The following ANXA8 variants were observed in gnomAD, a reference collection of about 807,000 sequenced individuals.
The protein encoded by ANXA8 is VAC-beta.
Under a neutral mutation model 26.8 loss-of-function variants are expected in ANXA8, and 9 were observed. The observed-to-expected ratio is 0.34, with a 90% CI of 0.20 to 0.59. ANXA8 has a LOEUF of 0.59. ANXA8 is among the 20% of genes least tolerant of loss of function. ANXA8 has a pLI of 0.84. For synonymous variants in ANXA8, 39 were observed against 94.8 expected, an observed-to-expected ratio of 0.41 and a Z score of 3.42; for missense variants, 83 against 238.5, an observed-to-expected ratio of 0.35 and a Z score of 4.29.
At chr10:47,565,532 C>G in the ANXA8 span, 1 of 347,028 alleles carries the variant, frequency 2.9e-6, no homozygotes, top group African/African-American at 2.2e-5. Flanking sequence ...GAAAGCTGGA[C>G]AGCCAGTCGG....
chr10:47,487,708 G>T (rs1840072240), upstream of ANXA8, among the ~76,000 whole-genome samples: 1 of 147,502 alleles, frequency 6.8e-6, no homozygotes, highest in African/African-American at 2.5e-5. Flanking sequence ...TGTTATATTG[G>T]ATTATCATTT....
the ANXA8 span, chr10:47,753,068 A>G: frequency 1.4e-6 from 1 of 728,830 alleles, no homozygotes; most frequent in South Asian, 6.3e-5. Flanking sequence ...AGATCACGCC[A>G]TTGCACTCCA....
chr10:47,733,209 C>CTTTCT, the ANXA8 span, among the ~76,000 whole-genome samples: 2 of 63,976 alleles, frequency 3.1e-5, no homozygotes, highest in Non-Finnish European at 7.0e-5. Context: ...TTCTTTCTTT[C>CTTTCT]TTTCTTTCTT....
At chr10:47,941,900 A>C in the ANXA8 span, among the ~76,000 whole-genome samples, 12 of 147,914 alleles carry the variant, frequency 8.1e-5, 3 homozygotes, top group African/African-American at 3.1e-4. Flanking sequence ...ATTTCTGTAC[A>C]AAATGCCTTT....
chr10:47,756,560 C>T, the ANXA8 span, among the ~76,000 whole-genome samples: 3 of 146,818 alleles, frequency 2.0e-5, no homozygotes, highest in African/African-American at 7.5e-5. Flanking sequence ...CCCTGGGGCC[C>T]CTTAAACACC....
chr10:47,985,240 A>G, the ANXA8 span, among the ~76,000 whole-genome samples: 1 of 148,686 alleles, frequency 6.7e-6, no homozygotes. Flanking sequence ...GGGGAAATGC[A>G]AATTGAGATC....
At chr10:47,743,382 G>GTA in the ANXA8 span, among the ~76,000 whole-genome samples, 14 of 51,410 alleles carry the variant, frequency 2.7e-4, no homozygotes, top group East Asian at 8.5e-3. Flanking sequence ...ATATATATGT[G>GTA]TGTGTGTGTG....
the ANXA8 span, among the ~76,000 whole-genome samples, chr10:47,916,271 G>A: frequency 7.8e-6 from 1 of 127,996 alleles, no homozygotes; most frequent in African/African-American, 2.6e-5. Context: ...GGGAAGAACA[G>A]CAGCTCCCAG....
the ANXA8 span, among the ~76,000 whole-genome samples, chr10:47,756,597 G>A: frequency 2.0e-5 from 3 of 151,270 alleles, no homozygotes; most frequent in African/African-American, 7.3e-5. Flanking sequence ...GATTTGGTGG[G>A]TGAGGGTCAG....
At chr10:47,680,265 C>A in the ANXA8 span, among the ~76,000 whole-genome samples, 1 of 151,880 alleles carries the variant, frequency 6.6e-6, no homozygotes, top group Non-Finnish European at 1.5e-5. Context: ...TACAAAATAG[C>A]TGGAAGAGGG....
chr10:47,501,756 A>C, the ANXA8 span: 1 of 403,390 alleles, frequency 2.5e-6, no homozygotes, highest in Non-Finnish European at 4.3e-6. Context: ...CCATGTGTAC[A>C]AAAATCAATG....
the ANXA8 span, among the ~76,000 whole-genome samples, chr10:47,756,926 G>GA: frequency 7.0e-6 from 1 of 142,890 alleles, no homozygotes; most frequent in African/African-American, 2.6e-5. Flanking sequence ...AAAGAGCCAA[G>GA]ACGCTGCCTC....
chr10:47,916,574 G>A, the ANXA8 span, among the ~76,000 whole-genome samples: 2 of 131,310 alleles, frequency 1.5e-5, 1 homozygote, highest in Non-Finnish European at 3.5e-5. Context: ...TTGAGGCTCA[G>A]TTTTCTCGCC....
chr10:47,580,760 A>AAC, the ANXA8 span, among the ~76,000 whole-genome samples: 4 of 149,022 alleles, frequency 2.7e-5, no homozygotes, highest in African/African-American at 1.0e-4. Flanking sequence ...AAACAAAAAA[A>AAC]AAAAACAAAA....
chr10:47,668,678 C>T, the ANXA8 span, among the ~76,000 whole-genome samples: 19 of 150,934 alleles, frequency 1.3e-4, no homozygotes, highest in Admixed American at 2.6e-4. Context: ...TTTTTCTTCC[C>T]ACAGTTGTCC....
At chr10:47,683,472 C>A in the ANXA8 span, among the ~76,000 whole-genome samples, 1 of 151,928 alleles carries the variant, frequency 6.6e-6, no homozygotes, top group African/African-American at 2.4e-5. Context: ...TCGTGATCTG[C>A]CCGCCTCAGC....
At chr10:47,636,981 G>A in the ANXA8 span, among the ~76,000 whole-genome samples, 1 of 151,352 alleles carries the variant, frequency 6.6e-6, no homozygotes, top group Non-Finnish European at 1.5e-5. Flanking sequence ...TCACCGTTGA[G>A]CTCCAGGATG....
chr10:47,489,872 C>T, the ANXA8 span, among the ~76,000 whole-genome samples: 27,084 of 145,672 alleles, frequency 0.19, 3,054 homozygotes, highest in East Asian at 0.51. Context: ...GGGTGCCACC[C>T]CCAGCCAGGA....
chr10:47,991,467 C>T, the ANXA8 span, among the ~76,000 whole-genome samples: 12 of 139,570 alleles, frequency 8.6e-5, no homozygotes, highest in African/African-American at 3.0e-4. Flanking sequence ...ATCAGCCTGT[C>T]TCCCGGCCCA....
Sources: gnomAD v4.1 joint callset for allele counts (sites outside exome capture counted in the v4.1 genomes callset) on GRCh38, gnomAD v4.1.1 for gene constraint, MANE v1.5 for transcripts, NCBI Gene and HGNC (gene_info 2026-07-23, HGNC 2026-07-21) for gene names.